Variants in SH3PXD2B observed in about 807,000 individuals in gnomAD.
SH3PXD2B encodes the protein SH3 and PX domain-containing protein 2B.
SH3PXD2B carries 37 observed loss-of-function variants against 73.1 expected under a neutral mutation model. That is an observed-to-expected ratio of 0.51 (90% CI 0.39 to 0.67). The LOEUF (loss-of-function observed/expected upper bound fraction) is 0.67, where lower values mean the gene tolerates loss of function less well. Among genes scored for constraint, SH3PXD2B ranks in the 30% least tolerant of loss-of-function variants. SH3PXD2B has a pLI of 0.00. For missense variants in SH3PXD2B, 1,053 were observed against 1,197.8 expected (o/e 0.88, Z 1.78); for synonymous variants, 457 against 480.5 (o/e 0.95, Z 0.64).
intron 12 of SH3PXD2B, among the ~76,000 whole-genome samples, chr5:172,342,770 A>G (rs1756888794): frequency 6.6e-6 from 1 of 152,102 alleles, no homozygotes; most frequent in Admixed American, 6.5e-5. Flanking sequence ...CGAAAAAAAA[A>G]AAGACCCTGC....
chr5:172,367,102 A>G (rs955122125), intron 6 of SH3PXD2B, among the ~76,000 whole-genome samples: 2 of 150,684 alleles, frequency 1.3e-5, no homozygotes, highest in African/African-American at 2.4e-5. Flanking sequence ...ACACACAGCT[A>G]ATTTTCGTAT....
intron 1 of SH3PXD2B, among the ~76,000 whole-genome samples, chr5:172,448,301 C>T (rs963958759): frequency 1.3e-5 from 2 of 152,198 alleles, no homozygotes; most frequent in Admixed American, 6.5e-5. Flanking sequence ...ATTTAGATCA[C>T]GACTATTATT....
At chr5:172,348,674 T>TCTATCTATCTATC (rs1757072508) in intron 10 of SH3PXD2B, among the ~76,000 whole-genome samples, 2 of 81,722 alleles carry the variant, frequency 2.4e-5, no homozygotes, top group Non-Finnish European at 5.4e-5. Context: ...TATCTATCTA[T>TCTATCTATCTATC]CTATCTATCT....
At chr5:172,392,584 C>T (rs1334729841) in intron 4 of SH3PXD2B, among the ~76,000 whole-genome samples, 1 of 144,948 alleles carries the variant, frequency 6.9e-6, no homozygotes, top group Non-Finnish European at 1.5e-5. Context: ...CCAGCCTGGC[C>T]AACATATAGT....
At chr5:172,447,855 A>G (rs1409612276) in intron 1 of SH3PXD2B, among the ~76,000 whole-genome samples, 1 of 145,132 alleles carries the variant, frequency 6.9e-6, no homozygotes, top group East Asian at 2.2e-4. Flanking sequence ...CGGCCAGGTG[A>G]GCTGAGGGGC....
At chr5:172,366,570 C>T (rs909587628) in intron 6 of SH3PXD2B, among the ~76,000 whole-genome samples, 1 of 152,220 alleles carries the variant, frequency 6.6e-6, no homozygotes, top group African/African-American at 2.4e-5. Context: ...TTCTTAGCCT[C>T]CTAACTGGTC....
intron 4 of SH3PXD2B, among the ~76,000 whole-genome samples, chr5:172,390,858 T>TGA (rs1554138684): frequency 1.5e-5 from 2 of 137,072 alleles, no homozygotes; most frequent in Non-Finnish European, 3.2e-5. Context: ...TGTGTGTGTG[T>TGA]GTGACAGAGT....
rs546180712 is a variant in SH3PXD2B, at chr5:172,386,784, C to T, written c.310-4657G>A. Among the ~76,000 whole-genome samples, 11 of 152,186 alleles carry T rather than the reference C, an allele frequency of 7.2e-5. No homozygotes were observed. The South Asian group carries it at 1.0e-3, about 14-fold the overall frequency. Reference sequence around the variant, plus strand: ...CTGGGGTTACAGGCGTGCACCACCACGCCTGGCTAATTTTTGTCTTTTTAG... The same window carrying T: ...CTGGGGTTACAGGCGTGCACCACCATGCCTGGCTAATTTTTGTCTTTTTAG... On this transcript the variant is annotated intron_variant, in intron 4 of 12. Coordinates refer to ENST00000311601, the MANE Select transcript of SH3PXD2B (RefSeq NM_001017995.3).
Position 172,338,966 on chromosome 5 carries a change from C to G in SH3PXD2B, c.2139G>C (p.Thr713=), listed in dbSNP as rs780400593. 1.1e-5 allele frequency: 17 copies of G among 1,614,144 alleles called. No homozygotes were observed. Among genetic ancestry groups the G allele is most frequent in the Non-Finnish European group, 1.4e-5 (17 of 1,180,000 alleles). The change falls in exon 13 of 13, where the codon ACG becomes ACC. Residue 713 remains threonine (T), a synonymous_variant. Coordinates refer to ENST00000311601, the MANE Select transcript of SH3PXD2B (RefSeq NM_001017995.3). This position sits in a 1 kb window ranked among gnomAD's most constrained non-coding sequence, Gnocchi z 5.1. ...TTGGGCTGAGACCATCCTGTTTGCC[C>G]GTCCTGTCCTGGGCGCGGCCAGGCC... The part of the protein sequence containing the change: ...GEGPGRAQDR[T]GKQDGLSPKE...
At chr5:172,325,378 A>C in exon 13 of SH3PXD2B, 1 of 1,532,210 alleles carries the variant, frequency 6.5e-7, no homozygotes, top group Non-Finnish European at 8.7e-7. Context: ...CATTCTTATG[A>C]TCCTAGATGA....
At position 172,335,380 on chromosome 5, in the gene SH3PXD2B, T is replaced by C. The variant is rs1756662908; in HGVS notation, c.*2989A>G. 7 of 1,221,930 alleles carry C rather than the reference T, an allele frequency of 5.7e-6. No individual in the cohort carries two copies. The highest frequency in any genetic ancestry group is 3.1e-6 in the Non-Finnish European group (3 of 982,302). The allele number at this position is 1,221,930 out of a possible 1,614,324, so 75.7% of individuals were successfully genotyped here. The stretch of plus-strand genomic sequence containing the variant: ...GATTCCCTGGAAGCCCTCCGCACAC[T>C]TCCCTGCTAATGGCAGAGAAAAGTC... On this transcript the variant is annotated 3_prime_UTR_variant, in exon 13 of 13. Transcript: ENST00000311601.
At chr5:172,422,542 C>A (rs778105809) in intron 1 of SH3PXD2B, 46 bp from the exon 2 acceptor site, 1 of 1,556,944 alleles carries the variant, frequency 6.4e-7, no homozygotes, top group East Asian at 2.3e-5. Context: ...AGAAGGTGGT[C>A]TCCCAATCTC....
intron 4 of SH3PXD2B, among the ~76,000 whole-genome samples, chr5:172,388,678 T>C (rs1758106957): frequency 6.6e-6 from 1 of 152,216 alleles, no homozygotes; most frequent in Admixed American, 6.5e-5. Flanking sequence ...GCAAGGAAAG[T>C]CTGACTCTGG....
downstream of SH3PXD2B, among the ~76,000 whole-genome samples, chr5:172,332,065 A>T (rs1756565571): frequency 6.6e-6 from 1 of 152,188 alleles, no homozygotes; most frequent in African/African-American, 2.4e-5. Context: ...TAGACTGCAA[A>T]GAGAAAGCCA....
chr5:172,410,083 T>A (rs1157637056), intron 2 of SH3PXD2B, among the ~76,000 whole-genome samples: 2 of 152,246 alleles, frequency 1.3e-5, no homozygotes, highest in African/African-American at 4.8e-5. Flanking sequence ...CCTTGGCTGC[T>A]GTGACTAGAG....
chr5:172,405,565 T>C (rs1758534190), intron 3 of SH3PXD2B, among the ~76,000 whole-genome samples: 1 of 152,132 alleles, frequency 6.6e-6, no homozygotes, highest in Admixed American at 6.5e-5. Flanking sequence ...CAGATCTTGG[T>C]CCTATAGCTC....
rs564952290 is a variant in SH3PXD2B at position 172,389,677 on chromosome 5, G to A, written c.309+4886C>T. On this transcript the variant is annotated intron_variant, in intron 4 of 12. Transcript: ENST00000311601. ...GGAGACTGAGGTTGCAGTGAACCAA[G>A]GTCACCCTACTGTATCCAGCCTGGG... Among the ~76,000 whole-genome samples the A allele has an allele frequency of 5.3e-5, 8 of 151,946 alleles. No individual in the cohort carries two copies. The South Asian group carries it at 1.0e-3, about 20-fold the overall frequency.
intron 3 of SH3PXD2B, among the ~76,000 whole-genome samples, chr5:172,403,263 T>A (rs1284872120): frequency 6.6e-6 from 1 of 152,212 alleles, no homozygotes; most frequent in Non-Finnish European, 1.5e-5. Context: ...CTTCCCCAGC[T>A]CCTCCTGGGA....
chr5:172,339,653 C>A lies in SH3PXD2B; in HGVS notation c.1452G>T (p.Trp484Cys). The A allele has an allele frequency of 1.2e-6, 2 of 1,614,246 alleles. No homozygotes were observed. Among genetic ancestry groups the A allele is most frequent in the Admixed American group, 1.7e-5 (1 of 60,034 alleles). ...PHGVMDSGLP[W>C]SKDWKGSKDV... is the part of the protein sequence containing the mutation. ...CCTTACTGCCCTTCCAGTCTTTAGA[C>A]CATGGCAACCCCGAGTCCATGACAC... is the stretch of plus-strand genomic sequence containing the variant. Residue 484 changes from tryptophan to cysteine, a missense_variant, in exon 13 of 13, where the codon TGG becomes TGT. Trp to Cys is a radical substitution (Grantham distance 215). Around this residue, in one of 2 missense-constraint regions of SH3PXD2B, gnomAD observed 587 missense variants for 590.7 expected, o/e 0.99. Coordinates refer to ENST00000311601, the MANE Select transcript of SH3PXD2B (RefSeq NM_001017995.3). The surrounding 1 kb of genome is among the most constrained non-coding windows in gnomAD (Gnocchi z 6.1).
Sources: allele counts gnomAD v4.1 joint callset (sites outside exome capture counted in the v4.1 genomes callset), GRCh38; gene constraint gnomAD v4.1.1; regional missense constraint gnomAD v4.1.1; non-coding constraint Gnocchi (gnomAD v3.1); transcripts MANE v1.5; gene names NCBI Gene and HGNC (gene_info 2026-07-23, HGNC 2026-07-21).